Variants in FGF2 observed in about 807,000 individuals in gnomAD.
FGF2 encodes basic fibroblast growth factor bFGF.
In FGF2, 13 loss-of-function variants were observed where a neutral mutation model predicts 15.9. The observed-to-expected ratio is 0.82, with a 90% CI of 0.53 to 1.30. The LOEUF (loss-of-function observed/expected upper bound fraction) is 1.30. Among genes scored for constraint, FGF2 ranks in the 50% most tolerant of loss-of-function variants. The pLI, the probability that FGF2 is intolerant of heterozygous loss-of-function variation, is 0.00. For missense variants in FGF2, 163 were observed against 196.9 expected, an observed-to-expected ratio of 0.83 and a Z score of 1.03; for synonymous variants, 90 against 78.4, an observed-to-expected ratio of 1.15 and a Z score of -0.78.
chr4:122,893,010 T>A lies in FGF2; in HGVS notation c.*614T>A. ...CTGGTGATGGGAGTTGTATTTTCAG[T>A]CTTCGCCAGGTCATTGAGATCCATC... On this transcript the variant is annotated 3_prime_UTR_variant, in exon 3 of 3. Transcript: ENST00000644866. The A allele has an allele frequency of 6.2e-7, 1 of 1,614,166 alleles. No individual in the cohort carries two copies. Among genetic ancestry groups the A allele is most frequent in the African/African-American group, 1.3e-5 (1 of 75,054 alleles).
intron 1 of FGF2, among the ~76,000 whole-genome samples, chr4:122,871,831 CA>C (rs1726742555): frequency 7.1e-6 from 1 of 140,932 alleles, no homozygotes; most frequent in Non-Finnish European, 1.5e-5. Flanking sequence ...GCATCAACAA[CA>C]ACAAAAAATC....
chr4:122,860,186 G>A (rs1273151774), intron 1 of FGF2, among the ~76,000 whole-genome samples: 1 of 151,962 alleles, frequency 6.6e-6, no homozygotes, highest in Non-Finnish European at 1.5e-5. Flanking sequence ...CTCCATAAAA[G>A]TCCTAGATAC....
chr4:122,882,384 A>G (rs1439486934), intron 2 of FGF2: 2 of 152,250 alleles, frequency 1.3e-5, no homozygotes, highest in African/African-American at 4.8e-5. Flanking sequence ...AAAAGAATGT[A>G]GACCTGAAAA....
At chr4:122,866,958 CAA>C (rs1726609136) in intron 1 of FGF2, among the ~76,000 whole-genome samples, 1 of 152,196 alleles carries the variant, frequency 6.6e-6, no homozygotes, top group Non-Finnish European at 1.5e-5. Context: ...ATGAATGAAT[CAA>C]AGTCTAGCTA....
chr4:122,889,173 T>C (rs10452197), intron 2 of FGF2, among the ~76,000 whole-genome samples: 17,838 of 152,154 alleles, frequency 0.12, 1,139 homozygotes, highest in Middle Eastern at 0.21. Flanking sequence ...TGTTAATGAG[T>C]ATAATAATGT....
chr4:122,829,477 A>G (rs886728518), intron 1 of FGF2, among the ~76,000 whole-genome samples: 2 of 152,204 alleles, frequency 1.3e-5, no homozygotes, highest in African/African-American at 4.8e-5. Context: ...TGCTAACTTT[A>G]TAACTAGCTA....
Position 122,879,956 on chromosome 4 carries a change from A to G in FGF2, c.282+3532A>G, listed in dbSNP as rs561241681. 2.0e-5 allele frequency among the ~76,000 whole-genome samples: 3 copies of G among 152,298 alleles called. No homozygotes were observed. In the South Asian group the frequency reaches 6.2e-4, roughly 32 times the overall value. On this transcript the variant is annotated intron_variant, in intron 2 of 2. Coordinates refer to ENST00000644866, the MANE Select transcript of FGF2 (RefSeq NM_001361665.2). ...TATCATTCCACCCCTGGCCCCTCCA[A>G]AATCTCATGTCCTCACATTTCAAAA...
intron 1 of FGF2, among the ~76,000 whole-genome samples, chr4:122,844,638 T>TCTTC (rs1726071832): frequency 7.0e-6 from 1 of 143,140 alleles, no homozygotes; most frequent in Non-Finnish European, 1.5e-5. Context: ...TTTCTTCCTT[T>TCTTC]CTTTCTTTCT....
At chr4:122,841,590 A>G (rs188749908) in intron 1 of FGF2, among the ~76,000 whole-genome samples, 3 of 152,364 alleles carry the variant, frequency 2.0e-5, no homozygotes, top group Admixed American at 1.3e-4. Flanking sequence ...TTTTCCTCTA[A>G]AAGAAAAAAA....
chr4:122,893,068 A>G lies in FGF2; in HGVS notation c.*672A>G, dbSNP rs1727235141. The stretch of plus-strand genomic sequence containing the variant: ...ATCTTAAGCATTCTTCCTGGCAAAA[A>G]TTTATGGTGAATGAATATGGCTTTA... On this transcript the variant is annotated 3_prime_UTR_variant, in exon 3 of 3. Coordinates refer to ENST00000644866, the MANE Select transcript of FGF2 (RefSeq NM_001361665.2). 6.2e-7 allele frequency: 1 copy of G among 1,614,010 alleles called. No homozygotes were observed. Among genetic ancestry groups the G allele is most frequent in the South Asian group, 1.1e-5 (1 of 91,082 alleles).
At chr4:122,856,644 ATAAT>A (rs1229630357) in intron 1 of FGF2, among the ~76,000 whole-genome samples, 3 of 152,238 alleles carry the variant, frequency 2.0e-5, no homozygotes, top group African/African-American at 7.2e-5. Flanking sequence ...AAATTTTGAG[ATAAT>A]TATAGATTCA....
At chr4:122,866,686 A>G (rs1204681704) in intron 1 of FGF2, among the ~76,000 whole-genome samples, 4 of 152,240 alleles carry the variant, frequency 2.6e-5, no homozygotes, top group Non-Finnish European at 5.9e-5. Context: ...AAAACAGACC[A>G]TAACAAGTGT....
chr4:122,852,786 CCT>C (rs541984591), intron 1 of FGF2, among the ~76,000 whole-genome samples: 133 of 152,290 alleles, frequency 8.7e-4, no homozygotes, highest in Middle Eastern at 3.4e-3. Flanking sequence ...TGCCTTCCAT[CCT>C]CATGGCCACC....
intron 2 of FGF2, among the ~76,000 whole-genome samples, chr4:122,889,311 C>T (rs868799268): frequency 1.3e-5 from 2 of 152,052 alleles, no homozygotes; most frequent in Non-Finnish European, 2.9e-5. Context: ...TGTTATAAGC[C>T]CTTAGAAGCC....
At chr4:122,843,910 C>G (rs1726048083) in intron 1 of FGF2, among the ~76,000 whole-genome samples, 1 of 152,154 alleles carries the variant, frequency 6.6e-6, no homozygotes, top group Non-Finnish European at 1.5e-5. Context: ...AGGATCTTGC[C>G]TCAGTGGATG....
At chr4:122,840,875 A>G (rs35455745) in intron 1 of FGF2, among the ~76,000 whole-genome samples, 6,033 of 152,284 alleles carry the variant, frequency 0.04, 263 homozygotes, top group African/African-American at 0.1. Context: ...GAAAGTTACC[A>G]GCAGATGTGT....
At chr4:122,849,484 G>A (rs1726183146) in intron 1 of FGF2, among the ~76,000 whole-genome samples, 1 of 152,090 alleles carries the variant, frequency 6.6e-6, no homozygotes, top group African/African-American at 2.4e-5. Context: ...ATAGCATTAG[G>A]AGAAATACCT....
rs115299698 is a variant in FGF2 at position 122,865,101 on chromosome 4, G to C, written c.179-11220G>C. Among the ~76,000 whole-genome samples the C allele has an allele frequency of 6.2e-3, 941 of 151,696 alleles. 13 individuals are homozygous for C. The highest frequency in any genetic ancestry group is 0.021 in the African/African-American group (860 of 41,344). ...AAATATTCCCTGTGCTATTACTTTG[G>C]GTTTAATTTGCTCTTATTTTTCTAG... is the stretch of plus-strand genomic sequence containing the variant. On this transcript the variant is annotated intron_variant, in intron 1 of 2. Transcript: ENST00000644866.
At position 122,892,290 on chromosome 4, in the gene FGF2, C is replaced by A. The variant is rs1299477002; in HGVS notation, c.362C>A (p.Thr121Asn). ...NYNTYRSRKY[T>N]SWYVALKRTG... Reference sequence around the variant, plus strand: ...AATACTTACCGGTCAAGGAAATACACCAGTTGGTATGTGGCACTGAAACGA... The same window carrying A: ...AATACTTACCGGTCAAGGAAATACAACAGTTGGTATGTGGCACTGAAACGA... The change falls in exon 3 of 3, where the codon ACC becomes AAC. Residue 121 changes from threonine (T) to asparagine (N), a missense_variant. Coordinates refer to ENST00000644866, the MANE Select transcript of FGF2 (RefSeq NM_001361665.2). 6.2e-7 allele frequency: 1 copy of A among 1,613,774 alleles called. No individual in the cohort carries two copies. Among genetic ancestry groups the A allele is most frequent in the Admixed American group, 1.7e-5 (1 of 60,020 alleles).
Sources: allele counts gnomAD v4.1 joint callset (sites outside exome capture counted in the v4.1 genomes callset), GRCh38; gene constraint gnomAD v4.1.1; transcripts MANE v1.5; gene names NCBI Gene and HGNC (gene_info 2026-07-23, HGNC 2026-07-21).